Variants in TLL1 observed in about 807,000 individuals in gnomAD.
The protein encoded by TLL1 is tolloid-like protein 1.
Under a neutral mutation model 128.2 loss-of-function variants are expected in TLL1, and 49 were observed. That is an observed-to-expected ratio of 0.38 (90% CI 0.30 to 0.48). The LOEUF (loss-of-function observed/expected upper bound fraction) is 0.48, where lower values mean the gene tolerates loss of function less well. TLL1 is among the 20% of genes least tolerant of loss of function. TLL1 has a pLI of 0.96. For missense variants in TLL1, 1,123 were observed against 1,242.0 expected (o/e 0.90, Z 1.44); for synonymous variants, 454 against 418.8 (o/e 1.08, Z -1.03).
At chr4:166,076,734 T>C (rs1741048184) in intron 17 of TLL1, among the ~76,000 whole-genome samples, 1 of 152,208 alleles carries the variant, frequency 6.6e-6, no homozygotes, top group Non-Finnish European at 1.5e-5. Flanking sequence ...ACCCTTGTCA[T>C]GACTGGATCC....
Position 166,101,342 on chromosome 4 carries a change from A to G in TLL1, c.*466A>G. The G allele has an allele frequency of 5.5e-6, 1 of 180,928 alleles. No homozygotes were observed. Among genetic ancestry groups the G allele is most frequent in the South Asian group, 1.2e-4 (1 of 8,270 alleles). The allele number at this position is 180,928 out of a possible 1,614,324, so 11.2% of individuals were successfully genotyped here. ...CTTGGATACAGTGTAAACCAGATCC[A>G]TATAAGGTGAATGTGAAATGGGAGT... On this transcript the variant is annotated 3_prime_UTR_variant, in exon 21 of 21. Transcript: ENST00000061240.
chr4:166,052,965 G>GTGTGTGTATATATATATATATA lies in TLL1; in HGVS notation c.1525-2110_1525-2109insGTGTGTATATATATATATATAT. 9.0e-3 allele frequency among the ~76,000 whole-genome samples: 897 copies of GTGTGTGTATATATATATATATA among 99,686 alleles called. 47 individuals are homozygous for GTGTGTGTATATATATATATATA. Among genetic ancestry groups the GTGTGTGTATATATATATATATA allele is most frequent in the African/African-American group, 0.031 (816 of 26,264 alleles). 65.4% of individuals were successfully genotyped at this position (99,686 alleles called of 152,430 possible). A position where few individuals can be genotyped will look rare whatever the true frequency, so the allele number is the denominator to read the frequency against. On this transcript the variant is annotated intron_variant, in intron 12 of 20. Transcript: ENST00000061240. ...TAAAGACTGAGATAAGAGGTTATGT[G>GTGTGTGTATATATATATATATA]TATATATATATATATATTTGGCCAA... is the stretch of plus-strand genomic sequence containing the variant.
intron 1 of TLL1, among the ~76,000 whole-genome samples, chr4:165,957,698 A>G (rs1734874219): frequency 6.9e-6 from 1 of 144,354 alleles, no homozygotes; most frequent in Non-Finnish European, 1.5e-5. Context: ...CCATTGGATC[A>G]TTCTTTTTTT....
intron 1 of TLL1, among the ~76,000 whole-genome samples, chr4:165,947,553 C>T (rs1478442600): frequency 3.9e-5 from 6 of 152,074 alleles, no homozygotes; most frequent in Non-Finnish European, 5.9e-5. Context: ...TTAAGAGATT[C>T]ACTGTCAGCA....
chr4:165,895,633 TAAAAAAAAAAAAAAA>T (rs57920393), intron 1 of TLL1, among the ~76,000 whole-genome samples: 7 of 68,448 alleles, frequency 1.0e-4, no homozygotes, highest in African/African-American at 4.0e-4. Context: ...AGACTTTTTG[TAAAAAAAAAAAAAAA>T]AAAAAAAAAA....
rs371579821 is a variant in TLL1, at chr4:165,972,791, A to T, written c.170-16590A>T. ...CCATTGTGGTCAGTGAGCCCATTCCATAATACCACCTTCTACCATCAGTCT... is the reference window on the plus strand; with the variant it reads ...CCATTGTGGTCAGTGAGCCCATTCCTTAATACCACCTTCTACCATCAGTCT... On this transcript the variant is annotated intron_variant, in intron 1 of 20. Coordinates refer to ENST00000061240, the MANE Select transcript of TLL1 (RefSeq NM_012464.5). Among the ~76,000 whole-genome samples the T allele has an allele frequency of 3.5e-4, 53 of 152,292 alleles. No individual in the cohort carries two copies. In the East Asian group the frequency reaches 6.0e-3, roughly 17 times the overall value.
intron 1 of TLL1, among the ~76,000 whole-genome samples, chr4:165,976,937 C>G (rs1490587833): frequency 6.6e-6 from 1 of 152,112 alleles, no homozygotes; most frequent in Admixed American, 6.6e-5. Context: ...TTTAGCTCAT[C>G]ATCTATAGTT....
intron 1 of TLL1, among the ~76,000 whole-genome samples, chr4:165,879,742 GGGGT>G (rs1730896700): frequency 6.6e-6 from 1 of 151,950 alleles, no homozygotes; most frequent in Non-Finnish European, 1.5e-5. Context: ...GGAAGTGGTG[GGGGT>G]GGGTGAGCCA....
intron 11 of TLL1, 58 bp from the exon 12 acceptor site, chr4:166,043,216 T>TG: frequency 6.2e-7 from 1 of 1,611,444 alleles, no homozygotes; most frequent in South Asian, 1.1e-5. Context: ...TAGAAGAAAA[T>TG]GAAAATGAAA....
At position 165,996,346 on chromosome 4, in the gene TLL1, C is replaced by T. The variant is rs149416847; in HGVS notation, c.632+1168C>T. On this transcript the variant is annotated intron_variant, in intron 5 of 20. Transcript: ENST00000061240. ...CTAAGGAGCCGGGCACGGTGGCTCA[C>T]GCCTGTAATCCCAGCACTTTAAGAG... 3.2e-4 allele frequency among the ~76,000 whole-genome samples: 49 copies of T among 152,258 alleles called. 1 individual carries two copies. The highest frequency in any genetic ancestry group is 1.1e-3 in the African/African-American group (47 of 41,538).
intron 1 of TLL1, among the ~76,000 whole-genome samples, chr4:165,944,385 C>A (rs1734149558): frequency 6.6e-6 from 1 of 152,078 alleles, no homozygotes; most frequent in Non-Finnish European, 1.5e-5. Flanking sequence ...ACACAAATAA[C>A]ATCTTATGCA....
At chr4:166,078,222 T>A (rs1325211522) in intron 18 of TLL1, among the ~76,000 whole-genome samples, 192 bp downstream of exon 18, 1 of 152,150 alleles carries the variant, frequency 6.6e-6, no homozygotes, top group Non-Finnish European at 1.5e-5. Context: ...GCCACGTTGT[T>A]CTCCTCTAGG....
chr4:165,981,958 G>C (rs1736166353), intron 1 of TLL1, among the ~76,000 whole-genome samples: 1 of 151,996 alleles, frequency 6.6e-6, no homozygotes, highest in Non-Finnish European at 1.5e-5. Context: ...TGGATCATCA[G>C]CATGATTTCA....
chr4:165,978,461 T>C (rs1040546823), intron 1 of TLL1, among the ~76,000 whole-genome samples: 3 of 152,138 alleles, frequency 2.0e-5, no homozygotes, highest in African/African-American at 4.8e-5. Context: ...GATAACAGTT[T>C]TTGCTTTTTA....
intron 1 of TLL1, among the ~76,000 whole-genome samples, chr4:165,911,452 T>G (rs944435002): frequency 6.6e-6 from 1 of 152,220 alleles, no homozygotes; most frequent in Non-Finnish European, 1.5e-5. Context: ...TAAGGAACAC[T>G]TAGGTTGATT....
intron 13 of TLL1, 78 bp from the exon 14 acceptor site, chr4:166,057,106 G>C (rs1740049489): frequency 6.4e-7 from 1 of 1,550,744 alleles, no homozygotes; most frequent in Non-Finnish European, 8.9e-7. Flanking sequence ...GATTTGGGTG[G>C]GGACACAGCC....
intron 1 of TLL1, among the ~76,000 whole-genome samples, chr4:165,969,472 C>T (rs901462376): frequency 1.3e-5 from 2 of 152,016 alleles, no homozygotes; most frequent in African/African-American, 2.4e-5. Flanking sequence ...AGTATTTATA[C>T]GTACACACAT....
In TLL1 at chr4:166,006,486, C is replaced by A. The variant is rs1330516539; in HGVS notation, c.812-1457C>A. On this transcript the variant is annotated intron_variant, in intron 6 of 20. Transcript: ENST00000061240. ...GAATATTTTGCTTTAGTTAGAGAAT[C>A]TGGTCCCATATTAAGTTCTAAATTG... Among the ~76,000 whole-genome samples, 3 of 151,792 alleles carry A rather than the reference C, an allele frequency of 2.0e-5. No homozygotes were observed. In the Admixed American group the frequency reaches 2.0e-4, roughly 10 times the overall value.
chr4:165,947,014 G>T (rs1348940462), intron 1 of TLL1, among the ~76,000 whole-genome samples: 1 of 152,076 alleles, frequency 6.6e-6, no homozygotes, highest in African/African-American at 2.4e-5. Context: ...AAAATACTGA[G>T]AGTATTACCT....
Sources: allele counts gnomAD v4.1 joint callset (sites outside exome capture counted in the v4.1 genomes callset), GRCh38; gene constraint gnomAD v4.1.1; transcripts MANE v1.5; gene names NCBI Gene and HGNC (gene_info 2026-07-23, HGNC 2026-07-21).